Variants in ITPR2 observed in about 807,000 individuals in gnomAD.
ITPR2 encodes inositol 1,4,5-trisphosphate receptor type 2, also known as inositol 1,4,5-trisphosphate-gated calcium channel ITPR2.
Under a neutral mutation model 317.1 loss-of-function variants are expected in ITPR2, and 207 were observed. The observed-to-expected ratio is 0.65, with a 90% CI of 0.58 to 0.73. The LOEUF (loss-of-function observed/expected upper bound fraction) is 0.73, where lower values mean the gene tolerates loss of function less well. Among genes scored for constraint, ITPR2 ranks in the 30% least tolerant of loss-of-function variants. The pLI, the probability that ITPR2 is intolerant of heterozygous loss-of-function variation, is 0.00. For synonymous variants in ITPR2, 1,156 were observed against 1,149.1 expected (o/e 1.01, Z -0.12); for missense variants, 2,613 against 3,284.0 (o/e 0.80, Z 4.99).
In ITPR2 at chr12:26,617,057, G is replaced by C. The variant is rs993768072; in HGVS notation, c.3462+4066C>G. ...CAGTAAGGCTTCCAGTCAACAGTAGGCTATTAGTACTTAAGTTTTGAGGGA... is the reference window on the plus strand; with the variant it reads ...CAGTAAGGCTTCCAGTCAACAGTAGCCTATTAGTACTTAAGTTTTGAGGGA... On this transcript the variant is annotated intron_variant, in intron 26 of 56. Coordinates refer to ENST00000381340, the MANE Select transcript of ITPR2 (RefSeq NM_002223.4). Among the ~76,000 whole-genome samples, 3 of 152,210 alleles carry C rather than the reference G, an allele frequency of 2.0e-5. No homozygotes were observed. The East Asian group carries it at 5.8e-4, about 29-fold the overall frequency.
chr12:26,571,610 T>C lies in ITPR2; in HGVS notation c.4630+7103A>G, dbSNP rs74669938. On this transcript the variant is annotated intron_variant, in intron 34 of 56. Transcript: ENST00000381340. ...GTGATAGCAGAGCAGAGATTTGTGA[T>C]AGGAGAGGTTAATGCCGCTAGCACG... Among the ~76,000 whole-genome samples the C allele has an allele frequency of 7.5e-3, 1,140 of 152,350 alleles. 14 individuals are homozygous for C. Among genetic ancestry groups the C allele is most frequent in the African/African-American group, 0.025 (1,031 of 41,570 alleles).
chr12:26,549,273 C>T (rs1401851088), intron 37 of ITPR2, among the ~76,000 whole-genome samples: 1 of 152,142 alleles, frequency 6.6e-6, no homozygotes, highest in Non-Finnish European at 1.5e-5. Flanking sequence ...ATGCAGAGAA[C>T]TAATGCAAAG....
At chr12:26,577,592 T>C (rs1945304461) in intron 34 of ITPR2, among the ~76,000 whole-genome samples, 1 of 152,220 alleles carries the variant, frequency 6.6e-6, no homozygotes, top group East Asian at 1.9e-4. Context: ...CTGTTAAGTA[T>C]AATACTCATT....
chr12:26,689,649 G>A (rs2136977307), intron 10 of ITPR2, among the ~76,000 whole-genome samples: 1 of 152,274 alleles, frequency 6.6e-6, no homozygotes, highest in Middle Eastern at 3.4e-3. Flanking sequence ...TGACACTAAA[G>A]CCACACTGCT....
intron 37 of ITPR2, among the ~76,000 whole-genome samples, chr12:26,529,486 G>T (rs1036984633): frequency 6.6e-6 from 1 of 152,166 alleles, no homozygotes; most frequent in Admixed American, 6.6e-5. Context: ...TGTCAAAGAT[G>T]CATTCTCTTA....
intron 32 of ITPR2, among the ~76,000 whole-genome samples, chr12:26,591,379 A>G (rs1437257809): frequency 6.6e-6 from 1 of 152,256 alleles, no homozygotes; most frequent in Non-Finnish European, 1.5e-5. Context: ...CGAAACTACA[A>G]TGAGATATCA....
chr12:26,828,300 T>A (rs1042528780), intron 1 of ITPR2, among the ~76,000 whole-genome samples: 5 of 152,222 alleles, frequency 3.3e-5, no homozygotes, highest in African/African-American at 1.2e-4. Flanking sequence ...TTTGGTTTCA[T>A]AGCCCTAAAA....
At chr12:26,532,077 C>T (rs902089125) in intron 37 of ITPR2, among the ~76,000 whole-genome samples, 2 of 152,142 alleles carry the variant, frequency 1.3e-5, no homozygotes, top group Non-Finnish European at 2.9e-5. Flanking sequence ...AAAAGTAATA[C>T]TATGACATGA....
intron 54 of ITPR2, among the ~76,000 whole-genome samples, chr12:26,396,101 C>T (rs1219308549): frequency 1.3e-5 from 2 of 151,954 alleles, no homozygotes; most frequent in Non-Finnish European, 2.9e-5. Flanking sequence ...CCTTGGAAAG[C>T]CTGAAGGATC....
intron 49 of ITPR2, among the ~76,000 whole-genome samples, chr12:26,423,756 C>T (rs1940964143): frequency 6.6e-6 from 1 of 152,062 alleles, no homozygotes; most frequent in Non-Finnish European, 1.5e-5. Context: ...ACTAACAGTG[C>T]ATTGCAGAGG....
chr12:26,587,871 G>A (rs561418452), intron 32 of ITPR2, among the ~76,000 whole-genome samples: 1 of 152,128 alleles, frequency 6.6e-6, no homozygotes, highest in South Asian at 2.1e-4. Context: ...CCAAATGAGA[G>A]AGAATGGTAC....
At chr12:26,369,837 G>A (rs1011110651) in intron 55 of ITPR2, among the ~76,000 whole-genome samples, 2 of 152,176 alleles carry the variant, frequency 1.3e-5, no homozygotes, top group East Asian at 1.9e-4. Flanking sequence ...GCTCTGGAGA[G>A]TACAAGGGGG....
chr12:26,439,902 CTTAT>C (rs1293141211), intron 46 of ITPR2, among the ~76,000 whole-genome samples: 2 of 149,982 alleles, frequency 1.3e-5, no homozygotes, highest in East Asian at 1.9e-4. Flanking sequence ...TTTAGCCTCC[CTTAT>C]TTGTTATTTG....
At chr12:26,710,362 A>G (rs1948624591) in intron 9 of ITPR2, among the ~76,000 whole-genome samples, 1 of 152,258 alleles carries the variant, frequency 6.6e-6, no homozygotes, top group Non-Finnish European at 1.5e-5. Flanking sequence ...TTCCAGAAGA[A>G]GAAATTGGAG....
At chr12:26,352,619 G>A (rs1480743391) in intron 55 of ITPR2, among the ~76,000 whole-genome samples, 2 of 152,350 alleles carry the variant, frequency 1.3e-5, no homozygotes, top group African/African-American at 2.4e-5. Flanking sequence ...CCACAGTAAT[G>A]TCTGCCAAGG....
chr12:26,777,414 C>T (rs1440747492), intron 2 of ITPR2, among the ~76,000 whole-genome samples: 1 of 152,200 alleles, frequency 6.6e-6, no homozygotes, highest in Non-Finnish European at 1.5e-5. Flanking sequence ...GTAGGAACAA[C>T]AGTCACTCAA....
chr12:26,457,545 C>T (rs150571989), intron 45 of ITPR2, among the ~76,000 whole-genome samples: 8 of 152,272 alleles, frequency 5.3e-5, no homozygotes, highest in East Asian at 3.9e-4. Flanking sequence ...CTCTACAGAA[C>T]GCGTGGATGA....
chr12:26,769,043 T>C (rs1189252434), intron 2 of ITPR2, among the ~76,000 whole-genome samples: 3 of 110,072 alleles, frequency 2.7e-5, no homozygotes, highest in African/African-American at 5.7e-5. Context: ...CTCAGCCACA[T>C]AGTAAAACAT....
At chr12:26,586,647 A>T (rs1234148014) in intron 32 of ITPR2, among the ~76,000 whole-genome samples, 7 of 152,178 alleles carry the variant, frequency 4.6e-5, no homozygotes, top group Admixed American at 1.3e-4. Context: ...TTTCACCCTA[A>T]ATAGTCAGTG....
Sources: gnomAD v4.1 joint callset for allele counts (sites outside exome capture counted in the v4.1 genomes callset) on GRCh38, gnomAD v4.1.1 for gene constraint, MANE v1.5 for transcripts, NCBI Gene and HGNC (gene_info 2026-07-23, HGNC 2026-07-21) for gene names.